Variants in KLHL5 observed in about 807,000 individuals in gnomAD.
KLHL5 encodes kelch-like protein 5.
KLHL5 carries 48 observed loss-of-function variants against 77.7 expected under a neutral mutation model. The ratio of observed to expected loss-of-function variants is 0.62; its 90% CI spans 0.49 to 0.79. The LOEUF (loss-of-function observed/expected upper bound fraction) is 0.79, where lower values mean the gene tolerates loss of function less well. Among genes scored for constraint, KLHL5 ranks in the 30% least tolerant of loss-of-function variants. The pLI, the probability that KLHL5 is intolerant of heterozygous loss-of-function variation, is 0.00. For synonymous variants in KLHL5, 260 were observed against 297.0 expected, an observed-to-expected ratio of 0.88 and a Z score of 1.28; for missense variants, 723 against 859.7, an observed-to-expected ratio of 0.84 and a Z score of 1.99.
intron 1 of KLHL5, among the ~76,000 whole-genome samples, chr4:39,064,348 T>C (rs747247204): frequency 1.3e-5 from 2 of 152,110 alleles, no homozygotes; most frequent in Non-Finnish European, 2.9e-5. Context: ...TGGAGATCAA[T>C]TGAGCTAATG....
At position 39,081,021 on chromosome 4, in the gene KLHL5, A is replaced by C. The variant is rs921366982; in HGVS notation, c.567-82A>C. On this transcript the variant is annotated intron_variant, in intron 2 of 10. Coordinates refer to ENST00000504108, the MANE Select transcript of KLHL5 (RefSeq NM_015990.5). This position sits in a 1 kb window ranked among gnomAD's most constrained non-coding sequence, Gnocchi z 4.3. ...TAGTACCATGCACTGTGAGTAACAA[A>C]TAAAAAAGAAGCAGCAGCATTTATT... 2.8e-5 allele frequency: 39 copies of C among 1,402,976 alleles called. No individual in the cohort carries two copies. In the East Asian group the frequency reaches 8.6e-4, roughly 31 times the overall value. The allele number at this position is 1,402,976 out of a possible 1,614,324, so 86.9% of individuals were successfully genotyped here.
chr4:39,075,958 T>G lies in KLHL5; in HGVS notation c.384-7T>G. On this transcript the variant is annotated splice_region_variant and splice_polypyrimidine_tract_variant and intron_variant, in intron 1 of 10. Coordinates refer to ENST00000504108, the MANE Select transcript of KLHL5 (RefSeq NM_015990.5). ...ATTTCAAAATGTGTGTTTTTTTTTCTTTTCAGGACTTCCAATAGTAGTCAG... is the reference window on the plus strand; with the variant it reads ...ATTTCAAAATGTGTGTTTTTTTTTCGTTTCAGGACTTCCAATAGTAGTCAG... The G allele has an allele frequency of 6.3e-7, 1 of 1,593,112 alleles. No homozygotes were observed. Among genetic ancestry groups the G allele is most frequent in the Non-Finnish European group, 8.5e-7 (1 of 1,173,406 alleles).
chr4:39,120,919 A>C, intron 10 of KLHL5, 91 bp from the exon 11 acceptor site: 1 of 1,004,992 alleles, frequency 1.0e-6, no homozygotes, highest in South Asian at 1.4e-5. Flanking sequence ...TTTGCCAACA[A>C]GTACAGGCTG....
intron 8 of KLHL5, among the ~76,000 whole-genome samples, chr4:39,109,365 G>A (rs964688070): frequency 6.6e-6 from 1 of 151,928 alleles, no homozygotes; most frequent in Non-Finnish European, 1.5e-5. Flanking sequence ...GCATGATCTC[G>A]GCACACTGCA....
chr4:39,112,722 T>C, intron 8 of KLHL5: 1 of 335,798 alleles, frequency 3.0e-6, no homozygotes, highest in South Asian at 3.4e-5. Flanking sequence ...TTAACACCTC[T>C]GAATTTCCAT....
intron 5 of KLHL5, among the ~76,000 whole-genome samples, chr4:39,090,660 G>A (rs1465856419): frequency 2.0e-5 from 3 of 152,056 alleles, no homozygotes; most frequent in African/African-American, 4.8e-5. Context: ...TGTTGGCCAG[G>A]CTGGTCTTGA....
intron 1 of KLHL5, among the ~76,000 whole-genome samples, chr4:39,075,591 C>T (rs191134819): frequency 2.0e-5 from 3 of 152,134 alleles, no homozygotes; most frequent in Admixed American, 2.0e-4. Context: ...GCCTTTCTGC[C>T]TTCAAAGATG....
Position 39,062,266 on chromosome 4 carries a change from T to G in KLHL5, c.-387T>G. 3.9e-6 allele frequency: 5 copies of G among 1,298,342 alleles called. No homozygotes were observed. The highest frequency in any genetic ancestry group is 4.9e-6 in the Non-Finnish European group (5 of 1,022,300). The allele number at this position is 1,298,342 out of a possible 1,614,324, so 80.4% of individuals were successfully genotyped here. ...GGGATAGTGTTTTCTGTCTCTGTCA[T>G]TTGTGGTTTAAGAAAAAGGGGGTGG... On this transcript the variant is annotated 5_prime_UTR_variant, in exon 1 of 11. Transcript: ENST00000504108.
chr4:39,061,369 C>T (rs193205855), upstream of KLHL5, among the ~76,000 whole-genome samples: 1 of 152,246 alleles, frequency 6.6e-6, no homozygotes, highest in Admixed American at 6.5e-5. Context: ...ACCCTGAAAA[C>T]TCAAATTCTG....
chr4:39,049,919 A>G (rs1716507416), intron 1 of KLHL5, among the ~76,000 whole-genome samples: 1 of 151,818 alleles, frequency 6.6e-6, no homozygotes, highest in Non-Finnish European at 1.5e-5. Context: ...TAAAATTACA[A>G]AAAATATTAG....
At chr4:39,070,235 T>G (rs1276709708) in intron 1 of KLHL5, among the ~76,000 whole-genome samples, 1 of 152,124 alleles carries the variant, frequency 6.6e-6, no homozygotes, top group African/African-American at 2.4e-5. Context: ...CCCTGTAGAC[T>G]AAGGCAGGGA....
chr4:39,053,373 A>AT (rs935549127), intron 1 of KLHL5, among the ~76,000 whole-genome samples: 2 of 152,230 alleles, frequency 1.3e-5, no homozygotes, highest in Non-Finnish European at 2.9e-5. Context: ...TTCAGAAAAA[A>AT]TTTTTTTTAA....
At chr4:39,100,320 C>A (rs1160545621) in intron 6 of KLHL5, among the ~76,000 whole-genome samples, 1 of 152,198 alleles carries the variant, frequency 6.6e-6, no homozygotes, top group Non-Finnish European at 1.5e-5. Context: ...ACCTTAAATT[C>A]TGACAGTCAT....
rs1038920823 is a variant in KLHL5 at position 39,122,375 on chromosome 4, A to G, written c.*1309A>G. On this transcript the variant is annotated 3_prime_UTR_variant, in exon 11 of 11. Coordinates refer to ENST00000504108, the MANE Select transcript of KLHL5 (RefSeq NM_015990.5). Reference sequence around the variant, plus strand: ...TATGAGGTAGTTCTATTCCCTTTTTATAGCTAAGGAAATTGGGGTACAGAG... The same window carrying G: ...TATGAGGTAGTTCTATTCCCTTTTTGTAGCTAAGGAAATTGGGGTACAGAG... 6.6e-6 allele frequency among the ~76,000 whole-genome samples: 1 copy of G among 152,180 alleles called. No homozygotes were observed. The highest frequency in any genetic ancestry group is 1.5e-5 in the Non-Finnish European group (1 of 68,042).
chr4:39,089,460 CT>C (rs1329539674), intron 5 of KLHL5, among the ~76,000 whole-genome samples: 2 of 152,034 alleles, frequency 1.3e-5, no homozygotes, highest in Non-Finnish European at 2.9e-5. Flanking sequence ...AAACTACTTC[CT>C]TAGATTGTTG....
chr4:39,045,278 G>GA (rs1188709685), intron 1 of KLHL5, among the ~76,000 whole-genome samples: 2 of 150,294 alleles, frequency 1.3e-5, no homozygotes, highest in Admixed American at 1.3e-4. Flanking sequence ...CCGGGCGGGG[G>GA]CCTCCGCACA....
chr4:39,055,598 A>G (rs1447095656), intron 1 of KLHL5, among the ~76,000 whole-genome samples: 1 of 152,140 alleles, frequency 6.6e-6, no homozygotes, highest in East Asian at 1.9e-4. Flanking sequence ...TCTTTAAAGG[A>G]ATGTATTTAT....
At chr4:39,126,791 A>G (rs1723570702), downstream of KLHL5, 3 of 454,034 alleles carry the variant, frequency 6.6e-6, no homozygotes, top group Non-Finnish European at 1.3e-5. Context: ...TTCAGAAGTC[A>G]TTAGACTGCC....
In KLHL5 at chr4:39,081,830, A is replaced by T; in HGVS notation, c.704-133A>T. ...ATTTAGTCCTTCTTTTCTTTTTGGG[A>T]TGTCTTAAACCATGTAGGTCTGTAA... On this transcript the variant is annotated intron_variant, in intron 3 of 10. Transcript: ENST00000504108. The surrounding 1 kb of genome is among the most constrained non-coding windows in gnomAD (Gnocchi z 4.3). 1.9e-6 allele frequency: 1 copy of T among 530,164 alleles called. No homozygotes were observed. The highest frequency in any genetic ancestry group is 3.1e-6 in the Non-Finnish European group (1 of 324,276). The allele number at this position is 530,164 out of a possible 1,614,324, so 32.8% of individuals were successfully genotyped here.
Sources: allele counts gnomAD v4.1 joint callset (sites outside exome capture counted in the v4.1 genomes callset), GRCh38; gene constraint gnomAD v4.1.1; non-coding constraint Gnocchi (gnomAD v3.1); transcripts MANE v1.5; gene names NCBI Gene and HGNC (gene_info 2026-07-23, HGNC 2026-07-21).